HLA-DQA2: variants seen among roughly 807,000 people sequenced by gnomAD.
HLA-DQA2 encodes the protein HLA class II histocompatibility antigen, DQ alpha 2 chain.
Under a neutral mutation model 21.0 loss-of-function variants are expected in HLA-DQA2, and 17 were observed. That is an observed-to-expected ratio of 0.81 (90% CI 0.56 to 1.22). The LOEUF (loss-of-function observed/expected upper bound fraction) is 1.22, where lower values mean the gene tolerates loss of function less well. Among genes scored for constraint, HLA-DQA2 ranks in the 50% most tolerant of loss-of-function variants. The probability of loss-of-function intolerance (pLI) is 0.00; values close to 1 mark genes in which losing one functional copy is unlikely to be tolerated. For synonymous variants in HLA-DQA2, 81 were observed against 116.5 expected (o/e 0.70, Z 1.96); for missense variants, 239 against 308.8 (o/e 0.77, Z 1.69).
chr6:32,746,488 ATG>A (rs1367670154), intron 4 of HLA-DQA2, 74 bp downstream of exon 4: 16 of 1,564,952 alleles, frequency 1.0e-5, no homozygotes, highest in South Asian at 2.2e-5. Context: ...GTGGACATGA[ATG>A]TGGTTGAAAG....
rs1406870503 is a variant in HLA-DQA2, at chr6:32,745,410, A to C, written c.331+3A>C. The C allele has an allele frequency of 6.2e-7, 1 of 1,610,060 alleles. No homozygotes were observed. Among genetic ancestry groups the C allele is most frequent in the East Asian group, 2.2e-5 (1 of 44,748 alleles). ...CAACTCTACCGCTGCCACCAATGGT[A>C]CGTGTCCACCATTCCGCCTCTCTTT... On this transcript the variant is annotated splice_donor_region_variant and intron_variant, in intron 2 of 4. Coordinates refer to ENST00000374940, the MANE Select transcript of HLA-DQA2 (RefSeq NM_020056.5).
At position 32,745,842 on chromosome 6, in the gene HLA-DQA2, C is replaced by T; in HGVS notation, c.383C>T (p.Pro128Leu). Residue 128 changes from proline to leucine, a missense_variant, in exon 3 of 5, where the codon CCC (proline) becomes CTC (leucine). By Grantham distance (98) the Pro-to-Leu change is moderately conservative (BLOSUM62 -3). Coordinates refer to ENST00000374940, the MANE Select transcript of HLA-DQA2 (RefSeq NM_020056.5). ...FSKFPVTLGQ[P>L]NTLICLVDNI... ...AAGTTTCCTGTGACGCTGGGTCAGC[C>T]CAACACCCTCATCTGTCTTGTGGAC... The T allele has an allele frequency of 6.2e-7, 1 of 1,613,126 alleles. No individual in the cohort carries two copies. The highest frequency in any genetic ancestry group is 8.5e-7 in the Non-Finnish European group (1 of 1,180,036).
At chr6:32,741,713 G>A (rs1021371135) in intron 1 of HLA-DQA2, among the ~76,000 whole-genome samples, 188 bp downstream of exon 1, 6 of 152,178 alleles carry the variant, frequency 3.9e-5, no homozygotes, top group Admixed American at 2.6e-4. Context: ...TGCTACCTGT[G>A]CTATTGGAGT....
At chr6:32,741,689 C>T (rs1763226718) in intron 1 of HLA-DQA2, among the ~76,000 whole-genome samples, 164 bp downstream of exon 1, 1 of 152,084 alleles carries the variant, frequency 6.6e-6, no homozygotes. Context: ...ACCAGAGCTC[C>T]AACCGACTCT....
intron 4 of HLA-DQA2, 60 bp downstream of exon 4, chr6:32,746,474 G>C: frequency 6.3e-7 from 1 of 1,590,054 alleles, no homozygotes. Context: ...AGTGGGAGGG[G>C]GTTGTGGACA....
At chr6:32,745,502 G>A (rs1341630352) in intron 2 of HLA-DQA2, 95 bp downstream of exon 2, 3 of 1,338,060 alleles carry the variant, frequency 2.2e-6, no homozygotes, top group Non-Finnish European at 3.2e-6. Flanking sequence ...ATCTTCTCAT[G>A]GTAATTGCTG....
chr6:32,744,423 A>G (rs1218707554), intron 1 of HLA-DQA2, among the ~76,000 whole-genome samples: 1 of 101,376 alleles, frequency 9.9e-6, no homozygotes, highest in Non-Finnish European at 2.2e-5. Flanking sequence ...AACCTCCTTC[A>G]GAGGAAAAAA....
intron 1 of HLA-DQA2, among the ~76,000 whole-genome samples, chr6:32,742,896 C>T (rs28817596): frequency 0.057 from 8,416 of 147,086 alleles, 704 homozygotes; most frequent in African/African-American, 0.18. Flanking sequence ...GACGGAGTCT[C>T]GCTCTGTCGC....
rs539796289 is a variant in HLA-DQA2 at position 32,745,929 on chromosome 6, G to T, written c.470G>T (p.Gly157Val). The T allele has an allele frequency of 6.2e-7, 1 of 1,613,142 alleles. No homozygotes were observed. The highest frequency in any genetic ancestry group is 2.2e-5 in the East Asian group (1 of 44,892). The change falls in exon 3 of 5, where the codon GGT becomes GTT. Residue 157 changes from glycine (G) to valine (V), a missense_variant. Coordinates refer to ENST00000374940, the MANE Select transcript of HLA-DQA2 (RefSeq NM_020056.5). ...WLSNGHSVTEGVSETSFLSKS... is the reference protein window; with the variant it reads ...WLSNGHSVTEVVSETSFLSKS... ...AGCAATGGGCACTCAGTCACAGAAG[G>T]TGTTTCTGAGACCAGCTTCCTCTCC...
At position 32,745,929 on chromosome 6, in the gene HLA-DQA2, G is replaced by C; in HGVS notation, c.470G>C (p.Gly157Ala). The change falls in exon 3 of 5, where the codon GGT becomes GCT. Residue 157 changes from glycine to alanine, a missense_variant. Gly to Ala is a moderately conservative substitution (Grantham distance 60). Transcript: ENST00000374940. ...WLSNGHSVTE[G>A]VSETSFLSKS... ...AGCAATGGGCACTCAGTCACAGAAG[G>C]TGTTTCTGAGACCAGCTTCCTCTCC... 1 of 1,613,142 alleles carries C rather than the reference G, an allele frequency of 6.2e-7. No individual in the cohort carries two copies.
In HLA-DQA2 at chr6:32,745,261, T is replaced by A; in HGVS notation, c.185T>A (p.Leu62Gln). Reference sequence around the variant, plus strand: ...GGAGACGAGGAGTTCTATGTGGACCTGGAGACGAAAGAGACTGTCTGGCAG... The same window carrying A: ...GGAGACGAGGAGTTCTATGTGGACCAGGAGACGAAAGAGACTGTCTGGCAG... ...FDGDEEFYVD[L>Q]ETKETVWQLP... is the part of the protein sequence containing the mutation. The change falls in exon 2 of 5, where the codon CTG (leucine) becomes CAG (glutamine). Residue 62 changes from leucine (L) to glutamine (Q), a missense_variant. Coordinates refer to ENST00000374940, the MANE Select transcript of HLA-DQA2 (RefSeq NM_020056.5). 2 of 1,614,094 alleles carry A rather than the reference T, an allele frequency of 1.2e-6. No homozygotes were observed. The highest frequency in any genetic ancestry group is 1.3e-5 in the African/African-American group (1 of 75,016).
rs145449397 is a variant in HLA-DQA2 at position 32,746,357 on chromosome 6, G to A, written c.731G>A (p.Arg244His). 250 of 1,613,034 alleles carry A rather than the reference G, an allele frequency of 1.5e-4. 1 individual carries two copies. The African/African-American group carries it at 2.1e-3, about 14-fold the overall frequency. ...ACTGTCTTCATCATCCAAGGCCTGCGTTCAGTTGGTGCTTCCAGACACCAA... is the reference window on the plus strand; with the variant it reads ...ACTGTCTTCATCATCCAAGGCCTGCATTCAGTTGGTGCTTCCAGACACCAA... ...VGTVFIIQGL[R>H]SVGASRHQGL... The change falls in exon 4 of 5, where the codon CGT (arginine) becomes CAT (histidine). Residue 244 changes from arginine to histidine, a missense_variant. Physicochemically the swap from Arg to His is conservative, Grantham distance 29. Transcript: ENST00000374940.
rs752032531 is a variant in HLA-DQA2, at chr6:32,741,490, C to A, written c.47C>A (p.Ala16Asp). 1 of 1,613,898 alleles carries A rather than the reference C, an allele frequency of 6.2e-7. No individual in the cohort carries two copies. Among genetic ancestry groups the A allele is most frequent in the Non-Finnish European group, 8.5e-7 (1 of 1,179,964 alleles). Reference sequence around the variant, plus strand: ...CTGCTGGGGGCCCTCGCCCTGACTGCCGTGATGAGCCCCTGTGGAGGTGAA... The same window carrying A: ...CTGCTGGGGGCCCTCGCCCTGACTGACGTGATGAGCCCCTGTGGAGGTGAA... ...ALLLGALALT[A>D]VMSPCGGEDI... The change falls in exon 1 of 5, where the codon GCC (alanine) becomes GAC (aspartate). Residue 16 changes from alanine to aspartate, a missense_variant. By Grantham distance (126) the Ala-to-Asp change is moderately radical. Transcript: ENST00000374940.
chr6:32,742,958 C>T (rs1359157538), intron 1 of HLA-DQA2, among the ~76,000 whole-genome samples: 2 of 144,424 alleles, frequency 1.4e-5, no homozygotes, highest in African/African-American at 5.1e-5. Context: ...CTCCGCCTCC[C>T]AGGTTCACGC....
At chr6:32,742,929 G>C (rs530133093) in intron 1 of HLA-DQA2, among the ~76,000 whole-genome samples, 14 of 142,636 alleles carry the variant, frequency 9.8e-5, no homozygotes, top group African/African-American at 3.6e-4. Flanking sequence ...GCAGTGGCAC[G>C]ATCTCGGCTC....
At position 32,745,351 on chromosome 6, in the gene HLA-DQA2, G is replaced by A; in HGVS notation, c.275G>A (p.Gly92Glu). ...AGTGCACTGAGAAATATGGCTGTGG[G>A]AAAACACACCTTGGAATTCATGATG... Reference protein sequence around the residue: ...PQSALRNMAVGKHTLEFMMRQ... With the variant: ...PQSALRNMAVEKHTLEFMMRQ... The change falls in exon 2 of 5, where the codon GGA (glycine) becomes GAA (glutamate). Residue 92 changes from glycine (G) to glutamate (E), a missense_variant. Transcript: ENST00000374940. The A allele has an allele frequency of 6.4e-7, 1 of 1,562,806 alleles. No individual in the cohort carries two copies. The highest frequency in any genetic ancestry group is 8.7e-7 in the Non-Finnish European group (1 of 1,153,120).
chr6:32,743,336 T>C (rs1290576439), intron 1 of HLA-DQA2, among the ~76,000 whole-genome samples: 1 of 152,240 alleles, frequency 6.6e-6, no homozygotes, highest in Non-Finnish European at 1.5e-5. Flanking sequence ...GTGGTTCTGC[T>C]ACCTGGGTGC....
chr6:32,742,780 C>A (rs28371355), intron 1 of HLA-DQA2, among the ~76,000 whole-genome samples: 1 of 151,916 alleles, frequency 6.6e-6, no homozygotes, highest in African/African-American at 2.4e-5. Flanking sequence ...GAAGGGGACC[C>A]TCCAAACTGT....
At position 32,741,488 on chromosome 6, in the gene HLA-DQA2, T is replaced by A. The variant is rs200986700; in HGVS notation, c.45T>A (p.Thr15=). ...TGCTGCTGGGGGCCCTCGCCCTGACTGCCGTGATGAGCCCCTGTGGAGGTG... is the reference window on the plus strand; with the variant it reads ...TGCTGCTGGGGGCCCTCGCCCTGACAGCCGTGATGAGCCCCTGTGGAGGTG... The part of the protein sequence containing the change: ...KALLLGALAL[T]AVMSPCGGED... The change falls in exon 1 of 5, where the codon ACT becomes ACA. Residue 15 remains threonine (T), a synonymous_variant. Coordinates refer to ENST00000374940, the MANE Select transcript of HLA-DQA2 (RefSeq NM_020056.5). 2.0e-6 allele frequency: 3 copies of A among 1,489,696 alleles called. No homozygotes were observed. Among genetic ancestry groups the A allele is most frequent in the Non-Finnish European group, 2.7e-6 (3 of 1,099,306 alleles). 92.3% of individuals were successfully genotyped at this position (1,489,696 alleles called of 1,614,324 possible). A position where few individuals can be genotyped will look rare whatever the true frequency, so the allele number is the denominator to read the frequency against.
Sources: gnomAD v4.1 joint callset for allele counts (sites outside exome capture counted in the v4.1 genomes callset) on GRCh38, gnomAD v4.1.1 for gene constraint, MANE v1.5 for transcripts, NCBI Gene and HGNC (gene_info 2026-07-23, HGNC 2026-07-21) for gene names.